ANXA2: variants seen among roughly 807,000 people sequenced by gnomAD.
ANXA2 encodes annexin II.
In ANXA2, 28 loss-of-function variants were observed where a neutral mutation model predicts 47.3. The observed-to-expected ratio is 0.59, with a 90% CI of 0.44 to 0.81. The LOEUF (loss-of-function observed/expected upper bound fraction) is 0.81. ANXA2 is among the 40% of genes least tolerant of loss of function. The pLI is 0.00. For missense variants in ANXA2, 384 were observed against 414.3 expected, an observed-to-expected ratio of 0.93 and a Z score of 0.64; for synonymous variants, 172 against 155.5, an observed-to-expected ratio of 1.11 and a Z score of -0.79.
chr15:60,382,541 T>C (rs1366945843), intron 2 of ANXA2, 100 bp from the exon 3 acceptor site: 8 of 817,604 alleles, frequency 9.8e-6, no homozygotes. Flanking sequence ...CTTTTAACAA[T>C]TCAGATCATT....
intron 1 of ANXA2, among the ~76,000 whole-genome samples, chr15:60,389,983 T>C (rs1460292008): frequency 1.3e-5 from 2 of 152,198 alleles, no homozygotes; most frequent in African/African-American, 4.8e-5. Context: ...ATTCAAATGG[T>C]GAATGCATAG....
At chr15:60,381,904 C>T (rs947631273) in intron 3 of ANXA2, among the ~76,000 whole-genome samples, 1 of 151,918 alleles carries the variant, frequency 6.6e-6, no homozygotes, top group South Asian at 2.1e-4. Context: ...AAAAGCATAC[C>T]CCTAGGACCA....
intron 3 of ANXA2, among the ~76,000 whole-genome samples, chr15:60,372,789 G>A (rs917929508): frequency 6.6e-6 from 1 of 151,028 alleles, no homozygotes; most frequent in Admixed American, 6.6e-5. Context: ...GACCTCCTGG[G>A]CCCAAATGAT....
At chr15:60,367,288 G>T (rs1318645096) in intron 3 of ANXA2, among the ~76,000 whole-genome samples, 5 of 125,256 alleles carry the variant, frequency 4.0e-5, no homozygotes, top group East Asian at 5.2e-4. Context: ...CCCCCCGCCC[G>T]GCCAGCCGCC....
At chr15:60,364,194 T>G (rs1007500269) in intron 4 of ANXA2, among the ~76,000 whole-genome samples, 1 of 152,214 alleles carries the variant, frequency 6.6e-6, no homozygotes, top group African/African-American at 2.4e-5. Context: ...GGATCTATGT[T>G]GTACACTCCT....
intron 1 of ANXA2, among the ~76,000 whole-genome samples, chr15:60,393,863 A>G (rs185103595): frequency 1.3e-5 from 2 of 152,262 alleles, no homozygotes; most frequent in Admixed American, 6.5e-5. Context: ...TAGGCATTCA[A>G]TTTCATCTTG....
intron 8 of ANXA2, 142 bp downstream of exon 8, chr15:60,354,012 C>G (rs2062386952): frequency 1.6e-6 from 1 of 634,162 alleles, no homozygotes; most frequent in African/African-American, 1.8e-5. Context: ...TCCTGACACA[C>G]AGAAACTGAG....
chr15:60,380,804 C>CAA lies in ANXA2; in HGVS notation c.148+1536_148+1537dup, dbSNP rs61570476. ...GGGCAACAAGAGTGAAACTCCATCT[C>CAA]AAAAAAAAAAAAAAAAAAAAAGATT... On this transcript the variant is annotated intron_variant, in intron 3 of 12. Coordinates refer to ENST00000451270, the MANE Select transcript of ANXA2 (RefSeq NM_004039.3). Among the ~76,000 whole-genome samples the CAA allele has an allele frequency of 6.1e-3, 370 of 60,862 alleles. 5 individuals carry two copies. The highest frequency in any genetic ancestry group is 0.014 in the African/African-American group (219 of 15,788). 39.9% of individuals were successfully genotyped at this position (60,862 alleles called of 152,430 possible).
intron 6 of ANXA2, among the ~76,000 whole-genome samples, chr15:60,356,656 A>T: frequency 6.6e-6 from 1 of 152,210 alleles, no homozygotes; most frequent in East Asian, 1.9e-4. Context: ...TTAAAAAGTA[A>T]AACAAAAAAG....
At chr15:60,357,767 C>G (rs1303949398) in intron 5 of ANXA2, among the ~76,000 whole-genome samples, 2 of 150,572 alleles carry the variant, frequency 1.3e-5, no homozygotes, top group Non-Finnish European at 2.9e-5. Context: ...GCACTCCAGC[C>G]TGGACGACAG....
chr15:60,379,212 A>G (rs2062822226), intron 3 of ANXA2, among the ~76,000 whole-genome samples: 1 of 152,108 alleles, frequency 6.6e-6, no homozygotes, highest in Non-Finnish European at 1.5e-5. Flanking sequence ...CAGGAGGCAG[A>G]GGTTGCAGTG....
Position 60,365,202 on chromosome 15 carries a change from TAATCTAAATTA to T in ANXA2, c.149-690_149-680del, listed in dbSNP as rs2062578553. 3.3e-5 allele frequency among the ~76,000 whole-genome samples: 5 copies of T among 152,084 alleles called. No homozygotes were observed. In the South Asian group the frequency reaches 1.0e-3, roughly 32 times the overall value. On this transcript the variant is annotated intron_variant, in intron 3 of 12. Coordinates refer to ENST00000451270, the MANE Select transcript of ANXA2 (RefSeq NM_004039.3). Reference sequence around the variant, plus strand: ...ACTTTATTAAAAAGAGTAAGTGTTTTAATCTAAATTAAATCTAAATTGGGAGTTTTGAGGTG... The same window carrying T: ...ACTTTATTAAAAAGAGTAAGTGTTTTAATCTAAATTGGGAGTTTTGAGGTG...
chr15:60,380,176 G>A (rs1262083330), intron 3 of ANXA2, among the ~76,000 whole-genome samples: 1 of 152,160 alleles, frequency 6.6e-6, no homozygotes, highest in Non-Finnish European at 1.5e-5. Context: ...GTGTTTTAAG[G>A]TAACATATTT....
intron 10 of ANXA2, 63 bp from the exon 11 acceptor site, chr15:60,351,314 G>C (rs1266097798): frequency 6.4e-7 from 1 of 1,556,708 alleles, no homozygotes; most frequent in Non-Finnish European, 8.9e-7. Context: ...ACCAATGAGA[G>C]AGGATGCCCT....
intron 5 of ANXA2, among the ~76,000 whole-genome samples, chr15:60,357,443 C>A (rs986626380): frequency 4.6e-5 from 7 of 151,984 alleles, no homozygotes; most frequent in African/African-American, 1.7e-4. Context: ...CACCAGAGCA[C>A]AAGATGGTGG....
chr15:60,382,062 G>T (rs1410325943), intron 3 of ANXA2, among the ~76,000 whole-genome samples: 2 of 134,292 alleles, frequency 1.5e-5, no homozygotes, highest in Non-Finnish European at 3.2e-5. Context: ...GGGAGGGAGG[G>T]AGGGAGGGAG....
intron 3 of ANXA2, among the ~76,000 whole-genome samples, chr15:60,372,136 C>T (rs1595688898): frequency 6.6e-6 from 1 of 151,962 alleles, no homozygotes; most frequent in African/African-American, 2.4e-5. Flanking sequence ...GCAACAAGAG[C>T]GAAACTCTAT....
Position 60,351,641 on chromosome 15 carries a change from A to T in ANXA2, c.778+83T>A, listed in dbSNP as rs1896016193. The stretch of plus-strand genomic sequence containing the variant: ...TGCATAGAAGCCACACCTCCCAAAC[A>T]CATTTGGATTAACAGGATGGCCATC... On this transcript the variant is annotated intron_variant, in intron 10 of 12. Coordinates refer to ENST00000451270, the MANE Select transcript of ANXA2 (RefSeq NM_004039.3). 3.6e-5 allele frequency: 32 copies of T among 879,732 alleles called. No homozygotes were observed. In the South Asian group the frequency reaches 4.2e-4, roughly 12 times the overall value. 54.5% of individuals were successfully genotyped at this position (879,732 alleles called of 1,614,324 possible).
At chr15:60,349,758 G>T (rs1219553459) in intron 11 of ANXA2, among the ~76,000 whole-genome samples, 2 of 131,596 alleles carry the variant, frequency 1.5e-5, no homozygotes, top group African/African-American at 2.9e-5. Flanking sequence ...AAGAGAGAAA[G>T]AAAGAAAAAG....
Sources: allele counts gnomAD v4.1 joint callset (sites outside exome capture counted in the v4.1 genomes callset), GRCh38; gene constraint gnomAD v4.1.1; transcripts MANE v1.5; gene names NCBI Gene and HGNC (gene_info 2026-07-23, HGNC 2026-07-21).